Variants in ASCC3 observed in about 807,000 individuals in gnomAD.
The protein encoded by ASCC3 is ASC-1 complex subunit P200.
Under a neutral mutation model 256.3 loss-of-function variants are expected in ASCC3, and 158 were observed. The ratio of observed to expected loss-of-function variants is 0.62; its 90% CI spans 0.54 to 0.70. ASCC3 has a LOEUF of 0.70. Ranked by LOEUF, ASCC3 falls within the 30% of genes least tolerant of loss-of-function variation. The pLI, the probability that ASCC3 is intolerant of heterozygous loss-of-function variation, is 0.00. For missense variants in ASCC3, 2,259 were observed against 2,626.0 expected, an observed-to-expected ratio of 0.86 and a Z score of 3.05; for synonymous variants, 948 against 883.4, an observed-to-expected ratio of 1.07 and a Z score of -1.30.
intron 17 of ASCC3, among the ~76,000 whole-genome samples, chr6:100,655,334 A>C (rs1775864853): frequency 6.6e-6 from 1 of 151,906 alleles, no homozygotes; most frequent in Non-Finnish European, 1.5e-5. Context: ...AACAGATTGT[A>C]TATAACCTAA....
At chr6:100,695,834 T>C (rs1778055502) in intron 13 of ASCC3, among the ~76,000 whole-genome samples, 1 of 152,176 alleles carries the variant, frequency 6.6e-6, no homozygotes, top group African/African-American at 2.4e-5. Context: ...GCACATGCAG[T>C]AGCTGGCTCT....
chr6:100,620,516 T>C (rs896154533), intron 30 of ASCC3, among the ~76,000 whole-genome samples: 12 of 152,188 alleles, frequency 7.9e-5, no homozygotes, highest in Admixed American at 2.0e-4. Flanking sequence ...TTCTTAGTCA[T>C]ATTCTCTCTC....
chr6:100,703,736 A>C (rs936044979), intron 13 of ASCC3, among the ~76,000 whole-genome samples: 3 of 151,942 alleles, frequency 2.0e-5, no homozygotes, highest in African/African-American at 7.2e-5. Flanking sequence ...CATTTGGCCC[A>C]TATAGGATGA....
intron 4 of ASCC3, among the ~76,000 whole-genome samples, chr6:100,819,186 G>A (rs1227205136): frequency 1.3e-5 from 2 of 151,916 alleles, no homozygotes; most frequent in African/African-American, 2.4e-5. Context: ...GCTGGGGGAG[G>A]GACAGCATTA....
chr6:100,626,574 C>T (rs2114856566), intron 29 of ASCC3, among the ~76,000 whole-genome samples: 1 of 152,132 alleles, frequency 6.6e-6, no homozygotes, highest in South Asian at 2.1e-4. Context: ...TACTTCCTTT[C>T]CATCAATGGT....
At position 100,509,223 on chromosome 6, in the gene ASCC3, C is replaced by T; in HGVS notation, c.*163G>A. ...TTTGTTAAAAGGCCACTGTGGTTAA[C>T]TTTATGTCACTGGAGTCAATACTGC... On this transcript the variant is annotated 3_prime_UTR_variant, in exon 42 of 42. Coordinates refer to ENST00000369162, the MANE Select transcript of ASCC3 (RefSeq NM_006828.4). The T allele has an allele frequency of 1.1e-6, 1 of 888,818 alleles. No homozygotes were observed. The highest frequency in any genetic ancestry group is 1.5e-5 in the South Asian group (1 of 66,966). 55.1% of individuals were successfully genotyped at this position (888,818 alleles called of 1,614,324 possible). A position where few individuals can be genotyped will look rare whatever the true frequency, so the allele number is the denominator to read the frequency against.
intron 39 of ASCC3, 85 bp downstream of exon 39, chr6:100,516,095 C>A: frequency 6.4e-7 from 1 of 1,569,340 alleles, no homozygotes; most frequent in Non-Finnish European, 8.8e-7. Flanking sequence ...AGCCTGGTTC[C>A]AAAATCCATG....
At position 100,625,215 on chromosome 6, in the gene ASCC3, A is replaced by G; in HGVS notation, c.4762T>C (p.Trp1588Arg). 6.2e-7 allele frequency: 1 copy of G among 1,612,818 alleles called. No homozygotes were observed. ...FLATEEDPKQ[W>R]LNMDEREMEN... ...ACCTCTCTTTCATCCATGTTTAACC[A>G]CTGCTTTGGATCTTCTTCAGTAGCC... is the stretch of plus-strand genomic sequence containing the variant. The change falls in exon 30 of 42, where the codon TGG becomes CGG. Residue 1588 changes from tryptophan to arginine, a missense_variant. By Grantham distance (101) the Trp-to-Arg change is moderately radical. Transcript: ENST00000369162.
At position 100,774,604 on chromosome 6, in the gene ASCC3, A is replaced by T. The variant is rs139685789; in HGVS notation, c.1396-7259T>A. 1.9e-4 allele frequency among the ~76,000 whole-genome samples: 29 copies of T among 152,164 alleles called. 1 individual carries two copies. The highest frequency in any genetic ancestry group is 7.0e-4 in the African/African-American group (29 of 41,524). ...ATGGTCTCGATTTTCTGACCTCGTG[A>T]TCCACCCAGCTTGGCCTCCCAGAGT... On this transcript the variant is annotated intron_variant, in intron 8 of 41. Coordinates refer to ENST00000369162, the MANE Select transcript of ASCC3 (RefSeq NM_006828.4).
At chr6:100,747,180 G>A (rs1780720138) in intron 10 of ASCC3, among the ~76,000 whole-genome samples, 1 of 150,292 alleles carries the variant, frequency 6.7e-6, no homozygotes, top group South Asian at 2.1e-4. Context: ...ATTAGTCATT[G>A]GGGAAATACA....
intron 4 of ASCC3, among the ~76,000 whole-genome samples, chr6:100,815,988 A>C (rs1008342905): frequency 1.3e-5 from 2 of 152,026 alleles, no homozygotes; most frequent in Admixed American, 6.6e-5. Context: ...CTACAGAATG[A>C]GAGAAAATAT....
intron 4 of ASCC3, among the ~76,000 whole-genome samples, chr6:100,817,739 C>T (rs930581475): frequency 5.9e-5 from 9 of 152,064 alleles, no homozygotes; most frequent in Non-Finnish European, 1.2e-4. Flanking sequence ...AATAGATAAT[C>T]TGAACAGACC....
chr6:100,786,255 T>C (rs1356424439), intron 8 of ASCC3, among the ~76,000 whole-genome samples: 3 of 152,280 alleles, frequency 2.0e-5, no homozygotes, highest in East Asian at 3.9e-4. Flanking sequence ...GCTATGTCAA[T>C]AGTTACATTC....
chr6:100,845,150 G>A (rs1004443661), intron 4 of ASCC3, among the ~76,000 whole-genome samples: 1 of 152,048 alleles, frequency 6.6e-6, no homozygotes. Context: ...ACTTCAGTGC[G>A]CCTGTGTACT....
At chr6:100,567,983 G>C (rs1462757081) in intron 36 of ASCC3, among the ~76,000 whole-genome samples, 9 of 152,086 alleles carry the variant, frequency 5.9e-5, no homozygotes, top group Non-Finnish European at 1.0e-4. Context: ...TTCCACAGTG[G>C]CTGAACTAAT....
chr6:100,702,183 G>T (rs1778388248), intron 13 of ASCC3, among the ~76,000 whole-genome samples: 1 of 152,110 alleles, frequency 6.6e-6, no homozygotes, highest in Non-Finnish European at 1.5e-5. Flanking sequence ...CATGATGGTT[G>T]CTTGGCTTAC....
chr6:100,742,459 G>A (rs1249434879), intron 10 of ASCC3, among the ~76,000 whole-genome samples: 3 of 152,058 alleles, frequency 2.0e-5, no homozygotes, highest in African/African-American at 7.2e-5. Flanking sequence ...CCAAAGGCAG[G>A]AGGCTGGAAC....
intron 1 of ASCC3, among the ~76,000 whole-genome samples, chr6:100,877,803 T>C (rs1769057977): frequency 6.6e-6 from 1 of 152,212 alleles, no homozygotes; most frequent in Non-Finnish European, 1.5e-5. Context: ...AATCTTGCTC[T>C]TTTAGTCTGT....
intron 4 of ASCC3, among the ~76,000 whole-genome samples, chr6:100,838,486 A>T (rs771970784): frequency 6.6e-6 from 1 of 152,112 alleles, no homozygotes; most frequent in African/African-American, 2.4e-5. Flanking sequence ...GCATTTATTT[A>T]TCTCTTAAGA....
Sources: gnomAD v4.1 joint callset for allele counts (sites outside exome capture counted in the v4.1 genomes callset) on GRCh38, gnomAD v4.1.1 for gene constraint, MANE v1.5 for transcripts, NCBI Gene and HGNC (gene_info 2026-07-23, HGNC 2026-07-21) for gene names.